The following TSC22D1 variants were observed in gnomAD, a reference collection of about 807,000 sequenced individuals.
TSC22D1 encodes the protein TSC22 domain family member 1.
Under a neutral mutation model 74.2 loss-of-function variants are expected in TSC22D1, and 9 were observed. That is an observed-to-expected ratio of 0.12 (90% CI 0.07 to 0.21). The LOEUF is 0.21. TSC22D1 is among the 10% of genes least tolerant of loss of function. The pLI, the probability that TSC22D1 is intolerant of heterozygous loss-of-function variation, is 1.00. For missense variants in TSC22D1, 1,427 were observed against 1,304.7 expected (o/e 1.09, Z -1.44); for synonymous variants, 586 against 492.5 (o/e 1.19, Z -2.51).
intron 1 of TSC22D1, among the ~76,000 whole-genome samples, chr13:44,510,315 C>G (rs1371093220): frequency 1.3e-5 from 2 of 151,910 alleles, no homozygotes; most frequent in Non-Finnish European, 2.9e-5. Flanking sequence ...TCACTTGAAC[C>G]TGCGAGGCGG....
chr13:44,495,320 C>T (rs1878920670), intron 1 of TSC22D1, among the ~76,000 whole-genome samples: 1 of 145,754 alleles, frequency 6.9e-6, no homozygotes, highest in African/African-American at 2.5e-5. Flanking sequence ...AACAGTCTAA[C>T]GGTAATTCTA....
At chr13:44,473,203 T>C (rs1430878680) in intron 1 of TSC22D1, among the ~76,000 whole-genome samples, 1 of 152,190 alleles carries the variant, frequency 6.6e-6, no homozygotes, top group Non-Finnish European at 1.5e-5. Context: ...TTTAAAACTA[T>C]ACAACTGGAG....
chr13:44,565,541 AG>A (rs1883316273), intron 1 of TSC22D1, among the ~76,000 whole-genome samples: 1 of 152,170 alleles, frequency 6.6e-6, no homozygotes, highest in African/African-American at 2.4e-5. Flanking sequence ...ATCAGTATAA[AG>A]ATACTTTAAA....
chr13:44,452,583 T>G (rs1225053551), intron 1 of TSC22D1: 3 of 152,350 alleles, frequency 2.0e-5, no homozygotes, highest in Non-Finnish European at 4.4e-5. Context: ...GGTGAGTATG[T>G]CTTACAAAGT....
intron 1 of TSC22D1, among the ~76,000 whole-genome samples, chr13:44,500,358 G>A (rs1278858436): frequency 6.6e-6 from 1 of 151,976 alleles, no homozygotes; most frequent in Non-Finnish European, 1.5e-5. Context: ...GTCTGTTTCT[G>A]GGCCTCCAAA....
At chr13:44,559,679 C>T (rs1882907106) in intron 1 of TSC22D1, among the ~76,000 whole-genome samples, 1 of 148,720 alleles carries the variant, frequency 6.7e-6, no homozygotes, top group Non-Finnish European at 1.5e-5. Flanking sequence ...CCACTGTGCC[C>T]AGCCCAAAAA....
At chr13:44,535,012 T>C (rs1881065080) in intron 1 of TSC22D1, among the ~76,000 whole-genome samples, 1 of 152,202 alleles carries the variant, frequency 6.6e-6, no homozygotes, top group Admixed American at 6.5e-5. Flanking sequence ...GGAGGCTACA[T>C]ATACACAGAG....
chr13:44,434,554 G>A lies in TSC22D1; in HGVS notation c.*72C>T. 6.8e-7 allele frequency: 1 copy of A among 1,479,794 alleles called. No homozygotes were observed. The highest frequency in any genetic ancestry group is 1.5e-5 in the South Asian group (1 of 67,396). 91.7% of individuals were successfully genotyped at this position (1,479,794 alleles called of 1,614,324 possible). ...AATGAAATGGGTGACTGTGGAGGCAGATTCTCCCTAGCACATCTTCTCCGT... is the reference window on the plus strand; with the variant it reads ...AATGAAATGGGTGACTGTGGAGGCAAATTCTCCCTAGCACATCTTCTCCGT... On this transcript the variant is annotated 3_prime_UTR_variant, in exon 3 of 3. Coordinates refer to ENST00000458659, the MANE Select transcript of TSC22D1 (RefSeq NM_183422.4).
intron 1 of TSC22D1, among the ~76,000 whole-genome samples, chr13:44,479,264 A>G (rs556482430): frequency 2.6e-5 from 4 of 152,062 alleles, no homozygotes; most frequent in Admixed American, 2.6e-4. Flanking sequence ...GGCCCAGGAC[A>G]GCTTTGAATG....
chr13:44,437,264 A>G, intron 1 of TSC22D1: 2 of 985,454 alleles, frequency 2.0e-6, no homozygotes, highest in African/African-American at 3.5e-5. Context: ...GAACCGTCTG[A>G]GCTACTGGGC....
chr13:44,553,087 C>T (rs1328322851), intron 1 of TSC22D1, among the ~76,000 whole-genome samples: 1 of 152,150 alleles, frequency 6.6e-6, no homozygotes, highest in Non-Finnish European at 1.5e-5. Context: ...GCAGTTGAGG[C>T]CTGCCGTCAC....
intron 1 of TSC22D1, among the ~76,000 whole-genome samples, chr13:44,495,975 T>C (rs1441272449): frequency 6.6e-6 from 1 of 152,148 alleles, no homozygotes; most frequent in Non-Finnish European, 1.5e-5. Flanking sequence ...CAAAAAAGAA[T>C]AGATAAATTG....
intron 1 of TSC22D1, among the ~76,000 whole-genome samples, chr13:44,493,519 C>T (rs781225382): frequency 5.9e-5 from 9 of 152,202 alleles, no homozygotes; most frequent in Non-Finnish European, 1.2e-4. Flanking sequence ...AAAAGATATG[C>T]TGCAGCCTGG....
At chr13:44,554,531 T>C (rs960244332) in intron 1 of TSC22D1, among the ~76,000 whole-genome samples, 1 of 149,830 alleles carries the variant, frequency 6.7e-6, no homozygotes, top group Non-Finnish European at 1.5e-5. Flanking sequence ...TTTTTCTTCA[T>C]ACCCTTAGTA....
At chr13:44,532,456 G>A (rs1179511656) in intron 1 of TSC22D1, among the ~76,000 whole-genome samples, 1 of 151,912 alleles carries the variant, frequency 6.6e-6, no homozygotes, top group Non-Finnish European at 1.5e-5. Flanking sequence ...AGAAGCTGCA[G>A]TGCGCTCACA....
intron 1 of TSC22D1, among the ~76,000 whole-genome samples, chr13:44,505,053 T>C (rs921766667): frequency 6.6e-6 from 1 of 152,198 alleles, no homozygotes; most frequent in Admixed American, 6.5e-5. Flanking sequence ...AGTGCTCTTT[T>C]CCTTTAATGT....
Position 44,574,367 on chromosome 13 carries a change from T to A in TSC22D1, c.1708A>T (p.Thr570Ser). The stretch of plus-strand genomic sequence containing the variant: ...TGGATACCAGTTGCAGCACTCATAG[T>A]GGCTTGCAGAGGTACTGGCTGAAGA... The part of the protein sequence containing the change: ...QGLQPVPLQA[T>S]MSAATGIQPS... The change falls in exon 1 of 3, where the codon ACT becomes TCT. Residue 570 changes from threonine (T) to serine (S), a missense_variant. Thr to Ser is a moderately conservative substitution (Grantham distance 58). Transcript: ENST00000458659. 1 of 1,614,238 alleles carries A rather than the reference T, an allele frequency of 6.2e-7. No individual in the cohort carries two copies.
rs571187256 is a variant in TSC22D1 at position 44,541,680 on chromosome 13, G to A, written c.2912+31483C>T. On this transcript the variant is annotated intron_variant, in intron 1 of 2. Coordinates refer to ENST00000458659, the MANE Select transcript of TSC22D1 (RefSeq NM_183422.4). ...CACAATGAGGAGGTATATGATGGAT[G>A]ATAAGAAGAAAGGAGCACAGATTAG... is the stretch of plus-strand genomic sequence containing the variant. 3.3e-5 allele frequency among the ~76,000 whole-genome samples: 5 copies of A among 152,256 alleles called. 1 individual carries two copies. In the South Asian group the frequency reaches 1.0e-3, roughly 32 times the overall value.
intron 1 of TSC22D1, among the ~76,000 whole-genome samples, chr13:44,507,340 GAGCGAAAGGCCAAGATT>G (rs1469596577): frequency 3.9e-5 from 6 of 152,146 alleles, no homozygotes; most frequent in African/African-American, 1.4e-4. Context: ...GCTCAAAAAG[GAGCGAAAGGCCAAGATT>G]AGGGAGGTCT....
Sources: allele counts gnomAD v4.1 joint callset (sites outside exome capture counted in the v4.1 genomes callset), GRCh38; gene constraint gnomAD v4.1.1; transcripts MANE v1.5; gene names NCBI Gene and HGNC (gene_info 2026-07-23, HGNC 2026-07-21).